CNTNAP2: variants seen among roughly 807,000 people sequenced by gnomAD.
CNTNAP2 encodes contactin associated protein 2.
Under a neutral mutation model 155.2 loss-of-function variants are expected in CNTNAP2, and 98 were observed. The observed-to-expected ratio is 0.63, with a 90% CI of 0.54 to 0.75. CNTNAP2 has a LOEUF of 0.75. CNTNAP2 is among the 30% of genes least tolerant of loss of function. The pLI is 0.00. For synonymous variants in CNTNAP2, 651 were observed against 631.2 expected, an observed-to-expected ratio of 1.03 and a Z score of -0.47; for missense variants, 1,727 against 1,688.1, an observed-to-expected ratio of 1.02 and a Z score of -0.40.
At chr7:147,472,326 C>A (rs897457406) in intron 10 of CNTNAP2, among the ~76,000 whole-genome samples, 4 of 150,528 alleles carry the variant, frequency 2.7e-5, no homozygotes, top group Non-Finnish European at 4.4e-5. Flanking sequence ...GATTCTCCTG[C>A]GTAAGCCTCC....
chr7:146,766,673 A>C (rs1400943501), intron 1 of CNTNAP2, among the ~76,000 whole-genome samples: 1 of 152,176 alleles, frequency 6.6e-6, no homozygotes, highest in African/African-American at 2.4e-5. Flanking sequence ...TGATAACTCA[A>C]TGAGATGACC....
At chr7:146,337,683 T>C (rs1034127464) in intron 1 of CNTNAP2, among the ~76,000 whole-genome samples, 3 of 152,144 alleles carry the variant, frequency 2.0e-5, no homozygotes, top group African/African-American at 7.2e-5. Context: ...TTGCCCAGGC[T>C]GGTCTCAAAC....
intron 11 of CNTNAP2, among the ~76,000 whole-genome samples, chr7:147,554,863 AACAG>A (rs919249363): frequency 6.6e-6 from 1 of 152,164 alleles, no homozygotes; most frequent in African/African-American, 2.4e-5. Context: ...AAAAAATCCA[AACAG>A]ACAGAGAACA....
intron 1 of CNTNAP2, among the ~76,000 whole-genome samples, chr7:146,354,156 T>C (rs1794962924): frequency 6.6e-6 from 1 of 152,152 alleles, no homozygotes; most frequent in Admixed American, 6.5e-5. Context: ...CAGAGAAATC[T>C]ATTCTTGTTC....
chr7:147,627,222 A>C (rs1182843720), intron 12 of CNTNAP2, among the ~76,000 whole-genome samples: 1 of 152,166 alleles, frequency 6.6e-6, no homozygotes, highest in African/African-American at 2.4e-5. Flanking sequence ...ACGAGAAGGA[A>C]CCAGAAAAGT....
chr7:147,355,631 A>G (rs1273483986), intron 9 of CNTNAP2, among the ~76,000 whole-genome samples: 4 of 152,160 alleles, frequency 2.6e-5, no homozygotes, highest in Non-Finnish European at 5.9e-5. Context: ...ACAGAAATAC[A>G]AACTACCATC....
chr7:147,953,526 A>C (rs1800971936), intron 14 of CNTNAP2, among the ~76,000 whole-genome samples: 1 of 152,194 alleles, frequency 6.6e-6, no homozygotes, highest in Non-Finnish European at 1.5e-5. Context: ...CTGAAACTTT[A>C]AATTTTAAAA....
chr7:147,199,589 T>C (rs887536894), intron 8 of CNTNAP2, among the ~76,000 whole-genome samples: 9 of 151,992 alleles, frequency 5.9e-5, no homozygotes, highest in African/African-American at 2.2e-4. Context: ...TTTGATTGAA[T>C]AGAATGGGTT....
chr7:148,340,565 C>T lies in CNTNAP2; in HGVS notation c.3476-43084C>T, dbSNP rs144657924. Among the ~76,000 whole-genome samples, 1,252 of 152,360 alleles carry T rather than the reference C, an allele frequency of 8.2e-3. 15 individuals carry two copies. Among genetic ancestry groups the T allele is most frequent in the Non-Finnish European group, 9.5e-3 (647 of 68,032 alleles). On this transcript the variant is annotated intron_variant, in intron 21 of 23. Transcript: ENST00000361727. ...CCCCGTAGGGACTGAGTCCCACTGG[C>T]AGTGTGTGGAGAATAGAATTGATTC...
chr7:146,923,742 A>T (rs1796551900), intron 3 of CNTNAP2, among the ~76,000 whole-genome samples: 1 of 152,094 alleles, frequency 6.6e-6, no homozygotes, highest in Admixed American at 6.6e-5. Flanking sequence ...CCCAACCACA[A>T]ATAGGTCCTC....
chr7:146,947,578 T>TATATATAC (rs1797214632), intron 3 of CNTNAP2, among the ~76,000 whole-genome samples: 1 of 65,892 alleles, frequency 1.5e-5, no homozygotes, highest in South Asian at 5.8e-4. Flanking sequence ...TATATATACA[T>TATATATAC]ATATATATAT....
At chr7:146,857,265 T>C (rs1218140071) in intron 3 of CNTNAP2, among the ~76,000 whole-genome samples, 1 of 150,722 alleles carries the variant, frequency 6.6e-6, no homozygotes, top group African/African-American at 2.4e-5. Flanking sequence ...CAGAGTAAAA[T>C]AGAAGAATAA....
chr7:146,936,154 C>T (rs745533097), intron 3 of CNTNAP2, among the ~76,000 whole-genome samples: 1 of 152,098 alleles, frequency 6.6e-6, no homozygotes, highest in East Asian at 1.9e-4. Context: ...ACACTCTCAC[C>T]TAAATGAGAA....
At chr7:147,311,075 C>G (rs192034098) in intron 9 of CNTNAP2, among the ~76,000 whole-genome samples, 1 of 152,072 alleles carries the variant, frequency 6.6e-6, no homozygotes, top group Non-Finnish European at 1.5e-5. Context: ...ATACTGAGAA[C>G]GATCAGCTCT....
chr7:147,670,207 G>C (rs1192759253), intron 13 of CNTNAP2, among the ~76,000 whole-genome samples: 1 of 151,960 alleles, frequency 6.6e-6, no homozygotes, highest in Non-Finnish European at 1.5e-5. Context: ...TTAAATTTCC[G>C]GGTTCTTGAG....
chr7:147,518,765 T>C lies in CNTNAP2; in HGVS notation c.1777+32724T>C, dbSNP rs529414171. 2.8e-3 allele frequency among the ~76,000 whole-genome samples: 427 copies of C among 152,270 alleles called. 1 individual carries two copies. The highest frequency in any genetic ancestry group is 9.4e-3 in the African/African-American group (390 of 41,568). ...AAAAATTATGGCTGGGCGTGGTGGC[T>C]CACGCCTGTAATCCCAGCACTTTGG... On this transcript the variant is annotated intron_variant, in intron 11 of 23. Coordinates refer to ENST00000361727, the MANE Select transcript of CNTNAP2 (RefSeq NM_014141.6).
chr7:147,198,232 C>CTTTTTTTTTTTTTT (rs71525992), intron 8 of CNTNAP2, among the ~76,000 whole-genome samples: 2 of 113,094 alleles, frequency 1.8e-5, no homozygotes, highest in Non-Finnish European at 3.5e-5. Context: ...TTCCAATATC[C>CTTTTTTTTTTTTTT]TTTTTTTTTT....
At chr7:146,422,035 A>G (rs1526155) in intron 1 of CNTNAP2, among the ~76,000 whole-genome samples, 5,470 of 151,768 alleles carry the variant, frequency 0.036, 352 homozygotes, top group African/African-American at 0.12. Context: ...CATCATTTCC[A>G]TATGGGTAAT....
At chr7:147,159,889 T>C (rs1392403501) in intron 8 of CNTNAP2, among the ~76,000 whole-genome samples, 1 of 152,090 alleles carries the variant, frequency 6.6e-6, no homozygotes, top group African/African-American at 2.4e-5. Context: ...AATTGGTATA[T>C]CTATTACTTC....
Sources: gnomAD v4.1 joint callset for allele counts (sites outside exome capture counted in the v4.1 genomes callset) on GRCh38, gnomAD v4.1.1 for gene constraint, MANE v1.5 for transcripts, NCBI Gene and HGNC (gene_info 2026-07-23, HGNC 2026-07-21) for gene names.